Variants in PCNX4 observed in about 807,000 individuals in gnomAD.
PCNX4 encodes pecanex-like protein 4.
A neutral mutation model predicts 107.2 loss-of-function variants in PCNX4; 103 were observed. That is an observed-to-expected ratio of 0.96 (90% CI 0.82 to 1.13). The LOEUF (loss-of-function observed/expected upper bound fraction) is 1.13, where lower values mean the gene tolerates loss of function less well. Ranked by LOEUF, PCNX4 falls within the 50% of genes most tolerant of loss-of-function variation. The pLI, the probability that PCNX4 is intolerant of heterozygous loss-of-function variation, is 0.00. For synonymous variants in PCNX4, 541 were observed against 481.7 expected, an observed-to-expected ratio of 1.12 and a Z score of -1.61; for missense variants, 1,528 against 1,379.4, an observed-to-expected ratio of 1.11 and a Z score of -1.71.
Position 60,128,220 on chromosome 14 carries a change from A to G in PCNX4, c.3267+2397A>G, listed in dbSNP as rs1234889194. Among the ~76,000 whole-genome samples the G allele has an allele frequency of 1.3e-5, 2 of 152,340 alleles. 1 individual carries two copies. Among genetic ancestry groups the G allele is most frequent in the South Asian group, 4.1e-4 (2 of 4,832 alleles). On this transcript the variant is annotated intron_variant, in intron 10 of 10. Coordinates refer to ENST00000406854, the MANE Select transcript of PCNX4 (RefSeq NM_001330177.2). ...AAACTTCTTAAATTTATTGTAAAAC[A>G]TTAATCCACACATCCGGGAACTTCA...
intron 1 of PCNX4, among the ~76,000 whole-genome samples, chr14:60,104,581 G>T (rs2140535159): frequency 6.6e-6 from 1 of 152,264 alleles, no homozygotes; most frequent in East Asian, 1.9e-4. Context: ...AAGAAAAAGA[G>T]GTTTAATGTA....
intron 10 of PCNX4, among the ~76,000 whole-genome samples, chr14:60,127,540 A>G (rs1013790305): frequency 6.6e-6 from 1 of 152,224 alleles, no homozygotes; most frequent in African/African-American, 2.4e-5. Flanking sequence ...TGAGACTTCA[A>G]ACTGGGCAGG....
Position 60,140,149 on chromosome 14 carries a change from AACAC to A in PCNX4, c.*5930_*5933del, listed in dbSNP as rs1183077958. 3 of 152,170 alleles carry A rather than the reference AACAC, an allele frequency of 2.0e-5. No individual in the cohort carries two copies. The highest frequency in any genetic ancestry group is 2.9e-5 in the Non-Finnish European group (2 of 68,008). 9.4% of individuals were successfully genotyped at this position (152,170 alleles called of 1,614,324 possible). ...TGTCTGGTAGACTGAAAAAGGAAGA[AACAC>A]AAACAACCAATATCAGGAATGAAAG... On this transcript the variant is annotated 3_prime_UTR_variant, in exon 11 of 11. Transcript: ENST00000406854. The surrounding 1 kb of genome is among the most constrained non-coding windows in gnomAD (Gnocchi z 4.2).
intron 8 of PCNX4, among the ~76,000 whole-genome samples, chr14:60,122,162 C>T (rs1327367971): frequency 2.0e-5 from 3 of 152,120 alleles, no homozygotes; most frequent in African/African-American, 7.2e-5. Context: ...CCACCTTGGT[C>T]CCAGCCACCT....
rs1289279763 is a variant in PCNX4, at chr14:60,113,558, G to C, written c.690-1142G>C. Among the ~76,000 whole-genome samples the C allele has an allele frequency of 2.6e-5, 4 of 152,058 alleles. 1 individual carries two copies. Among genetic ancestry groups the C allele is most frequent in the East Asian group, 3.9e-4 (2 of 5,146 alleles). On this transcript the variant is annotated intron_variant, in intron 2 of 10. Coordinates refer to ENST00000406854, the MANE Select transcript of PCNX4 (RefSeq NM_001330177.2). ...TAATTTTTGTATTTTTAGTAGAGAT[G>C]GGGTTTCACCATGTTGGCCAGGCTG...
chr14:60,096,486 A>C (rs1440070336), intron 1 of PCNX4, among the ~76,000 whole-genome samples: 1 of 152,232 alleles, frequency 6.6e-6, no homozygotes, highest in East Asian at 1.9e-4. Flanking sequence ...TTGTAAATGA[A>C]AAAGGTTTGC....
rs79246126 is a variant in PCNX4 at position 60,092,769 on chromosome 14, C to T, written c.-54+350C>T. ...TATCTCCAACTAAACCTCTTTTGTC[C>T]GAATTGTTCAACTCATGGCCCCCTG... On this transcript the variant is annotated intron_variant, in intron 1 of 10. Coordinates refer to ENST00000406854, the MANE Select transcript of PCNX4 (RefSeq NM_001330177.2). Among the ~76,000 whole-genome samples, 438 of 152,230 alleles carry T rather than the reference C, an allele frequency of 2.9e-3. 1 individual carries two copies. The highest frequency in any genetic ancestry group is 9.9e-3 in the African/African-American group (411 of 41,522).
At chr14:60,127,331 G>A (rs1258955720) in intron 10 of PCNX4, among the ~76,000 whole-genome samples, 1 of 152,112 alleles carries the variant, frequency 6.6e-6, no homozygotes, top group East Asian at 1.9e-4. Context: ...TCCTTTCAAG[G>A]AGTTCATGTT....
rs1278968889 is a variant in PCNX4 at position 60,146,525 on chromosome 14, ACTT to A, written c.*12305_*12307del. The A allele has an allele frequency of 6.6e-6, 1 of 152,246 alleles. No individual in the cohort carries two copies. Among genetic ancestry groups the A allele is most frequent in the African/African-American group, 2.4e-5 (1 of 41,456 alleles). 9.4% of individuals were successfully genotyped at this position (152,246 alleles called of 1,614,324 possible). ...AATTACCATCTGATCCAGCAATTCC[ACTT>A]AAGGGTATAAATCTAAAGGAAGTGA... is the stretch of plus-strand genomic sequence containing the variant. On this transcript the variant is annotated 3_prime_UTR_variant, in exon 11 of 11. Transcript: ENST00000406854. The surrounding 1 kb of genome is among the most constrained non-coding windows in gnomAD (Gnocchi z 4.9).
At chr14:60,133,831 C>G in intron 10 of PCNX4, 139 bp from the exon 11 acceptor site, 1 of 791,686 alleles carries the variant, frequency 1.3e-6, no homozygotes, top group Non-Finnish European at 2.0e-6. Flanking sequence ...CATTTTTAAA[C>G]ACTACTTTCT....
intron 1 of PCNX4, among the ~76,000 whole-genome samples, chr14:60,105,074 C>G (rs1171279180): frequency 6.6e-6 from 1 of 152,088 alleles, no homozygotes; most frequent in Non-Finnish European, 1.5e-5. Context: ...ATCCAAAAAT[C>G]AGAAATGCCC....
intron 2 of PCNX4, among the ~76,000 whole-genome samples, chr14:60,113,757 C>T (rs1895784237): frequency 6.6e-6 from 1 of 152,160 alleles, no homozygotes; most frequent in Non-Finnish European, 1.5e-5. Context: ...TTAGTTGTCT[C>T]TTTTGAATGT....
rs763372754 is a variant in PCNX4, at chr14:60,124,764, C to G, written c.2593C>G (p.His865Asp). ...GSVESQRVGD[H>D]STGTVPENDL... ...AGTAGAATCACAGAGGGTTGGTGAT[C>G]ATTCTACAGGCACTGTTCCTGAAAA... is the stretch of plus-strand genomic sequence containing the variant. The change falls in exon 9 of 11, where the codon CAT (histidine) becomes GAT (aspartate). Residue 865 changes from histidine (H) to aspartate (D), a missense_variant. Coordinates refer to ENST00000406854, the MANE Select transcript of PCNX4 (RefSeq NM_001330177.2). The G allele has an allele frequency of 5.1e-5, 82 of 1,613,100 alleles. No individual in the cohort carries two copies. The highest frequency in any genetic ancestry group is 6.4e-5 in the Non-Finnish European group (76 of 1,179,792).
chr14:60,118,726 C>A, intron 7 of PCNX4, 34 bp downstream of exon 7: 1 of 1,512,232 alleles, frequency 6.6e-7, no homozygotes. Flanking sequence ...GAATTTCTCA[C>A]TAATGTATTT....
chr14:60,114,390 A>T (rs1048722709), intron 2 of PCNX4, among the ~76,000 whole-genome samples: 2 of 152,202 alleles, frequency 1.3e-5, no homozygotes, highest in South Asian at 4.1e-4. Flanking sequence ...AAATTCCTGT[A>T]TTCAATTTTC....
In PCNX4 at chr14:60,136,116, A is replaced by G. The variant is rs1371444665; in HGVS notation, c.*1895A>G. On this transcript the variant is annotated 3_prime_UTR_variant, in exon 11 of 11. Coordinates refer to ENST00000406854, the MANE Select transcript of PCNX4 (RefSeq NM_001330177.2). ...CATGACTCTCCCAAATTAAAAAAAA[A>G]AAAAGTTTTTATTAAGGTCACTATT... The G allele has an allele frequency of 6.6e-6, 1 of 152,188 alleles. No individual in the cohort carries two copies. The highest frequency in any genetic ancestry group is 1.5e-5 in the Non-Finnish European group (1 of 68,044). 9.4% of individuals were successfully genotyped at this position (152,188 alleles called of 1,614,324 possible). A position where few individuals can be genotyped will look rare whatever the true frequency, so the allele number is the denominator to read the frequency against.
chr14:60,119,832 A>G (rs1454214839), intron 7 of PCNX4, among the ~76,000 whole-genome samples: 1 of 152,238 alleles, frequency 6.6e-6, no homozygotes, highest in African/African-American at 2.4e-5. Flanking sequence ...CAGAGTGGCA[A>G]AAATGTAAAC....
intron 1 of PCNX4, among the ~76,000 whole-genome samples, chr14:60,107,151 G>C (rs1413215865): frequency 6.6e-6 from 1 of 152,162 alleles, no homozygotes; most frequent in Non-Finnish European, 1.5e-5. Flanking sequence ...GGGAGGCAAG[G>C]CAGGAGGAAC....
Position 60,124,551 on chromosome 14 carries a change from ATGTTGCC to A in PCNX4, c.2383_2389del (p.Pro796Ter). On this transcript the variant is annotated frameshift_variant, in exon 9 of 11. Transcript: ENST00000406854. LOFTEE classifies it high-confidence loss of function. ...TGAAAATAAAGGGAAAGCACCTCTA[ATGTTGCC>A]TGCTTTGAACACTTTGCCACCTCCC... is the stretch of plus-strand genomic sequence containing the variant. 1.2e-6 allele frequency: 2 copies of A among 1,613,772 alleles called. No individual in the cohort carries two copies. The highest frequency in any genetic ancestry group is 1.3e-5 in the African/African-American group (1 of 75,018).
Sources: allele counts gnomAD v4.1 joint callset (sites outside exome capture counted in the v4.1 genomes callset), GRCh38; gene constraint gnomAD v4.1.1; non-coding constraint Gnocchi (gnomAD v3.1); transcripts MANE v1.5; gene names NCBI Gene and HGNC (gene_info 2026-07-23, HGNC 2026-07-21).